Variants in ERBIN observed in about 807,000 individuals in gnomAD.
The protein encoded by ERBIN is erbb2 interacting protein, also known as densin-180-like protein.
A neutral mutation model predicts 158.4 loss-of-function variants in ERBIN; 60 were observed. That is an observed-to-expected ratio of 0.38 (90% CI 0.31 to 0.47). ERBIN has a LOEUF of 0.47. Ranked by LOEUF, ERBIN falls within the 20% of genes least tolerant of loss-of-function variation. ERBIN has a pLI of 0.99. For synonymous variants in ERBIN, 594 were observed against 557.2 expected (o/e 1.07, Z -0.93); for missense variants, 1,610 against 1,648.0 (o/e 0.98, Z 0.40).
rs769686522 is a variant in ERBIN at position 66,028,361 on chromosome 5, A to G, written c.1206+18A>G. On this transcript the variant is annotated intron_variant, in intron 14 of 25. Coordinates refer to ENST00000284037, the MANE Select transcript of ERBIN (RefSeq NM_001253697.2). The stretch of plus-strand genomic sequence containing the variant: ...ATAATCAGGTGGGCATTCTGATTTT[A>G]TAAGTTAATGGAGTTCTTATTTGTG... 5.6e-6 allele frequency: 9 copies of G among 1,600,238 alleles called. No homozygotes were observed. Among genetic ancestry groups the G allele is most frequent in the Admixed American group, 1.7e-5 (1 of 59,618 alleles).
intron 1 of ERBIN, among the ~76,000 whole-genome samples, chr5:65,940,203 C>T (rs1194214569): frequency 4.0e-5 from 6 of 151,528 alleles, no homozygotes; most frequent in South Asian, 2.1e-4. Context: ...CCCGCCGCCC[C>T]GTCTGGGATG....
intron 14 of ERBIN, among the ~76,000 whole-genome samples, chr5:66,035,202 C>T (rs1196030768): frequency 2.0e-5 from 3 of 152,148 alleles, no homozygotes; most frequent in Non-Finnish European, 4.4e-5. Flanking sequence ...TCTGTATCCT[C>T]ATTATTCTTA....
At position 66,044,276 on chromosome 5, in the gene ERBIN, A is replaced by T. The variant is rs1369396014; in HGVS notation, c.1568A>T (p.Asp523Val). The T allele has an allele frequency of 6.2e-7, 1 of 1,604,300 alleles. No individual in the cohort carries two copies. The highest frequency in any genetic ancestry group is 8.5e-7 in the Non-Finnish European group (1 of 1,177,468). The change falls in exon 17 of 26, where the codon GAT becomes GTT. Residue 523 changes from aspartate (D) to valine (V), a missense_variant. Physicochemically the swap from Asp to Val is radical, Grantham distance 152. Around this residue, in one of 2 missense-constraint regions of ERBIN, gnomAD observed 596 missense variants for 711.9 expected, o/e 0.84. Coordinates refer to ENST00000284037, the MANE Select transcript of ERBIN (RefSeq NM_001253697.2). ...DSGRDLKPHE[D>V]QQDINKDVGV... The stretch of plus-strand genomic sequence containing the variant: ...GGAAGAGATTTGAAACCACATGAAG[A>T]TCAACAAGATATAAATAAAGATGTG...
intron 1 of ERBIN, among the ~76,000 whole-genome samples, chr5:65,929,966 C>G (rs562079549): frequency 1.3e-5 from 2 of 152,200 alleles, no homozygotes; most frequent in East Asian, 3.9e-4. Context: ...TTTTCAGATT[C>G]ACTTTTTAGC....
At chr5:66,068,646 C>T (rs1377321775) in intron 21 of ERBIN, among the ~76,000 whole-genome samples, 1 of 152,074 alleles carries the variant, frequency 6.6e-6, no homozygotes, top group East Asian at 1.9e-4. Flanking sequence ...GTACTTTCTT[C>T]CTTTGCTTAA....
intron 1 of ERBIN, among the ~76,000 whole-genome samples, chr5:65,939,668 TGCCGAGTGC>T (rs1744569654): frequency 7.0e-5 from 1 of 14,296 alleles, no homozygotes; most frequent in East Asian, 9.1e-4. Context: ...TGCCTCAGCC[TGCCGAGTGC>T]CTGCGATTGC....
intron 14 of ERBIN, among the ~76,000 whole-genome samples, chr5:66,037,223 A>G (rs1242924020): frequency 6.6e-6 from 1 of 152,128 alleles, no homozygotes; most frequent in Non-Finnish European, 1.5e-5. Context: ...CTTTGGAAAA[A>G]TTTGGTGTAA....
intron 13 of ERBIN, among the ~76,000 whole-genome samples, chr5:66,026,668 C>T (rs530027415): frequency 2.0e-5 from 3 of 151,884 alleles, no homozygotes; most frequent in Admixed American, 1.3e-4. Flanking sequence ...CACAGTTTTG[C>T]TAAAAGTTTT....
intron 23 of ERBIN, 133 bp downstream of exon 23, chr5:66,075,363 C>A (rs536070385): frequency 1.3e-6 from 1 of 758,138 alleles, no homozygotes; most frequent in African/African-American, 1.8e-5. Context: ...TTTTATGTTA[C>A]GTTTATAAGG....
intron 1 of ERBIN, among the ~76,000 whole-genome samples, chr5:65,954,546 T>C (rs1207135666): frequency 6.6e-6 from 1 of 152,152 alleles, no homozygotes; most frequent in Non-Finnish European, 1.5e-5. Context: ...CATTGTAACA[T>C]TTTAGTTTGA....
intron 14 of ERBIN, among the ~76,000 whole-genome samples, chr5:66,031,090 G>C (rs1756822103): frequency 6.6e-6 from 1 of 152,090 alleles, no homozygotes; most frequent in Admixed American, 6.5e-5. Flanking sequence ...GATATACCTA[G>C]AAAATTTCCC....
chr5:66,026,988 C>CACTAAGG (rs1361475745), intron 13 of ERBIN, among the ~76,000 whole-genome samples: 1 of 151,952 alleles, frequency 6.6e-6, no homozygotes, highest in East Asian at 1.9e-4. Flanking sequence ...GTAAATTGAT[C>CACTAAGG]ACTAGGGTTG....
In ERBIN at chr5:66,079,969, T is replaced by A. The variant is rs1424072438; in HGVS notation, c.*1439T>A. 1.3e-5 allele frequency: 2 copies of A among 152,184 alleles called. No homozygotes were observed. The highest frequency in any genetic ancestry group is 1.5e-5 in the Non-Finnish European group (1 of 67,994). 9.4% of individuals were successfully genotyped at this position (152,184 alleles called of 1,614,324 possible). ...GTAATGGTAAGGATTAATGCATGGT[T>A]ATTTGGACCAGAAAAAAGTGCCATA... On this transcript the variant is annotated 3_prime_UTR_variant, in exon 26 of 26. Coordinates refer to ENST00000284037, the MANE Select transcript of ERBIN (RefSeq NM_001253697.2).
At chr5:65,943,870 G>A (rs939246701) in intron 1 of ERBIN, among the ~76,000 whole-genome samples, 1 of 152,108 alleles carries the variant, frequency 6.6e-6, no homozygotes, top group Non-Finnish European at 1.5e-5. Context: ...CCTCCTAGCC[G>A]CTGGCAGCTA....
Position 66,075,070 on chromosome 5 carries a change from C to A in ERBIN, c.3803C>A (p.Ala1268Glu), listed in dbSNP as rs760078880. The change falls in exon 23 of 26, where the codon GCA becomes GAA. Residue 1268 changes from alanine (A) to glutamate (E), a missense_variant. Transcript: ENST00000284037. ...GQMGQPLRPQANYSQIHHPPQ... is the reference protein window; with the variant it reads ...GQMGQPLRPQENYSQIHHPPQ... Reference sequence around the variant, plus strand: ...ATGGGCCAGCCTCTCAGGCCTCAGGCAAATTATAGTCAAATACATCACCCC... The same window carrying A: ...ATGGGCCAGCCTCTCAGGCCTCAGGAAAATTATAGTCAAATACATCACCCC... 46 of 1,613,980 alleles carry A rather than the reference C, an allele frequency of 2.9e-5. No homozygotes were observed. Among genetic ancestry groups the A allele is most frequent in the Non-Finnish European group, 3.9e-5 (46 of 1,180,022 alleles).
At chr5:65,981,646 A>C (rs1411532178) in intron 1 of ERBIN, among the ~76,000 whole-genome samples, 1 of 149,576 alleles carries the variant, frequency 6.7e-6, no homozygotes, top group Non-Finnish European at 1.5e-5. Context: ...GTTATTTTTA[A>C]ACAACAAAAA....
At chr5:65,979,924 C>G (rs1222128959) in intron 1 of ERBIN, among the ~76,000 whole-genome samples, 5 of 152,180 alleles carry the variant, frequency 3.3e-5, no homozygotes, top group African/African-American at 1.2e-4. Flanking sequence ...TATACACATA[C>G]TCTTTTATAG....
intron 7 of ERBIN, among the ~76,000 whole-genome samples, chr5:66,020,245 A>G (rs764166488): frequency 6.6e-6 from 1 of 152,082 alleles, no homozygotes; most frequent in Non-Finnish European, 1.5e-5. Context: ...CAGTTTCATT[A>G]CAATGATGGT....
At chr5:66,021,043 T>C (rs1409240018) in intron 7 of ERBIN, among the ~76,000 whole-genome samples, 1 of 151,972 alleles carries the variant, frequency 6.6e-6, no homozygotes, top group East Asian at 1.9e-4. Context: ...AGAAACTCAT[T>C]ATTTGTATTC....
Sources: allele counts gnomAD v4.1 joint callset (sites outside exome capture counted in the v4.1 genomes callset), GRCh38; gene constraint gnomAD v4.1.1; regional missense constraint gnomAD v4.1.1; transcripts MANE v1.5; gene names NCBI Gene and HGNC (gene_info 2026-07-23, HGNC 2026-07-21).